PLPP4: variants seen among roughly 807,000 people sequenced by gnomAD.
PLPP4 encodes the protein diacylglycerol pyrophosphate like 2.
Under a neutral mutation model 32.2 loss-of-function variants are expected in PLPP4, and 20 were observed. The observed-to-expected ratio is 0.62, with a 90% confidence interval of 0.44 to 0.90. The LOEUF (loss-of-function observed/expected upper bound fraction) is 0.90. Ranked by LOEUF, PLPP4 falls within the 40% of genes least tolerant of loss-of-function variation. The probability of loss-of-function intolerance (pLI) is 0.00; values close to 1 mark genes in which losing one functional copy is unlikely to be tolerated. For synonymous variants in PLPP4, 127 were observed against 133.0 expected (o/e 0.95, Z 0.31); for missense variants, 257 against 353.1 (o/e 0.73, Z 2.18).
Position 120,518,897 on chromosome 10 carries a change from G to A in PLPP4, c.320+1G>A. On this transcript the variant is annotated splice_donor_variant, in intron 4 of 6. Transcript: ENST00000398250. LOFTEE classifies it high-confidence loss of function. ...ACACTATTAAATTAATAGTGGGAAGGTAAGTTCCAAGAAGAATGAAATGGT... is the reference window on the plus strand; with the variant it reads ...ACACTATTAAATTAATAGTGGGAAGATAAGTTCCAAGAAGAATGAAATGGT... The A allele has an allele frequency of 6.2e-7, 1 of 1,609,712 alleles. No homozygotes were observed.
chr10:120,571,359 C>A (rs1308711179), intron 5 of PLPP4, among the ~76,000 whole-genome samples: 1 of 151,928 alleles, frequency 6.6e-6, no homozygotes, highest in Non-Finnish European at 1.5e-5. Flanking sequence ...AGTTCTTAAT[C>A]AAGCAGAAAG....
chr10:120,536,446 T>A (rs1237123253), intron 5 of PLPP4, among the ~76,000 whole-genome samples: 2 of 152,048 alleles, frequency 1.3e-5, no homozygotes, highest in Admixed American at 1.3e-4. Context: ...GAAAAGGTAC[T>A]CTGTTCAATA....
chr10:120,458,727 A>G (rs545200516), intron 1 of PLPP4, among the ~76,000 whole-genome samples: 14 of 152,200 alleles, frequency 9.2e-5, no homozygotes, highest in Non-Finnish European at 1.8e-4. Context: ...TTGGAAAAAC[A>G]AAACACTCTT....
At chr10:120,551,403 A>G (rs1383798955) in intron 5 of PLPP4, among the ~76,000 whole-genome samples, 1 of 152,230 alleles carries the variant, frequency 6.6e-6, no homozygotes. Context: ...ATAAAAACAT[A>G]CATTCATAAA....
At chr10:120,511,752 A>G (rs1845735706) in intron 2 of PLPP4, among the ~76,000 whole-genome samples, 2 of 152,236 alleles carry the variant, frequency 1.3e-5, no homozygotes, top group Non-Finnish European at 2.9e-5. Context: ...AGTCTAAGGC[A>G]TAATTCTCAA....
intron 1 of PLPP4, among the ~76,000 whole-genome samples, chr10:120,496,410 A>G (rs905187703): frequency 3.9e-5 from 6 of 152,008 alleles, no homozygotes; most frequent in African/African-American, 1.2e-4. Flanking sequence ...TGGCATATGA[A>G]CTGTGATAGA....
At chr10:120,550,695 A>G (rs1847855620) in intron 5 of PLPP4, among the ~76,000 whole-genome samples, 1 of 151,968 alleles carries the variant, frequency 6.6e-6, no homozygotes, top group African/African-American at 2.4e-5. Context: ...AATTCTGAAT[A>G]AAAGTGTGGG....
chr10:120,554,431 T>A (rs1362546480), intron 5 of PLPP4, among the ~76,000 whole-genome samples: 1 of 146,252 alleles, frequency 6.8e-6, no homozygotes, highest in Non-Finnish European at 1.5e-5. Context: ...AAACTCTCCA[T>A]CATCTTCCTG....
intron 3 of PLPP4, among the ~76,000 whole-genome samples, chr10:120,515,395 G>A (rs1845896415): frequency 6.6e-6 from 1 of 152,164 alleles, no homozygotes; most frequent in Non-Finnish European, 1.5e-5. Flanking sequence ...GTGAGGCTTG[G>A]GCTTGCAGTG....
intron 5 of PLPP4, among the ~76,000 whole-genome samples, chr10:120,566,543 C>CTTTT (rs35692314): frequency 7.1e-6 from 1 of 141,038 alleles, no homozygotes; most frequent in Non-Finnish European, 1.5e-5. Flanking sequence ...CCTACTTATT[C>CTTTT]TTTTTTTTTT....
intron 1 of PLPP4, among the ~76,000 whole-genome samples, chr10:120,501,296 T>TATTTCATTTC (rs141455402): frequency 0.66 from 99,843 of 151,546 alleles, 33,632 homozygotes; most frequent in African/African-American, 0.8. Context: ...AAGCAAAATT[T>TATTTCATTTC]ATTTCATTTC....
intron 2 of PLPP4, among the ~76,000 whole-genome samples, chr10:120,511,398 C>T (rs12218875): frequency 0.43 from 64,930 of 152,018 alleles, 14,266 homozygotes; most frequent in South Asian, 0.6. Context: ...CATCCCAACT[C>T]ATACTTTTTT....
At chr10:120,560,003 A>G (rs1392090891) in intron 5 of PLPP4, among the ~76,000 whole-genome samples, 1 of 152,332 alleles carries the variant, frequency 6.6e-6, no homozygotes. Context: ...TGTTTTGAAT[A>G]TCTACCTAAA....
intron 5 of PLPP4, among the ~76,000 whole-genome samples, chr10:120,527,282 A>AC (rs1002469549): frequency 6.6e-6 from 1 of 151,664 alleles, no homozygotes; most frequent in Admixed American, 6.6e-5. Context: ...TACATTGTTG[A>AC]CCCCCCAAAT....
intron 5 of PLPP4, among the ~76,000 whole-genome samples, chr10:120,531,457 T>G (rs897482878): frequency 3.3e-5 from 5 of 152,186 alleles, no homozygotes; most frequent in African/African-American, 4.8e-5. Context: ...TTAATTTTGA[T>G]TAAATCTAAT....
intron 5 of PLPP4, among the ~76,000 whole-genome samples, chr10:120,541,461 C>A (rs1571097): frequency 0.91 from 138,275 of 152,258 alleles, 62,930 homozygotes; most frequent in East Asian, 0.96. Context: ...TTGTCTAATG[C>A]AACACTAGAG....
intron 5 of PLPP4, among the ~76,000 whole-genome samples, chr10:120,569,433 C>G (rs777630562): frequency 6.6e-6 from 1 of 152,142 alleles, no homozygotes; most frequent in Non-Finnish European, 1.5e-5. Flanking sequence ...TTTCTCAGAA[C>G]AAAATCTTCT....
intron 1 of PLPP4, among the ~76,000 whole-genome samples, chr10:120,497,456 T>TG (rs1177642275): frequency 6.6e-6 from 1 of 151,908 alleles, no homozygotes; most frequent in African/African-American, 2.4e-5. Flanking sequence ...TTTATGTGTG[T>TG]GGGGTGTGTG....
chr10:120,529,208 A>C (rs1392086678), intron 5 of PLPP4, among the ~76,000 whole-genome samples: 2 of 151,836 alleles, frequency 1.3e-5, no homozygotes, highest in Non-Finnish European at 2.9e-5. Context: ...GTGTGCGTGC[A>C]TGTGTAACAG....
Sources: gnomAD v4.1 joint callset for allele counts (sites outside exome capture counted in the v4.1 genomes callset) on GRCh38, gnomAD v4.1.1 for gene constraint, MANE v1.5 for transcripts, NCBI Gene and HGNC (gene_info 2026-07-23, HGNC 2026-07-21) for gene names.